Variants in LSAMP observed in about 807,000 individuals in gnomAD.
LSAMP encodes limbic system associated membrane protein.
A neutral mutation model predicts 38.6 loss-of-function variants in LSAMP; 7 were observed. The ratio of observed to expected loss-of-function variants is 0.18; its 90% CI spans 0.10 to 0.34. The LOEUF (loss-of-function observed/expected upper bound fraction) is 0.34, where lower values mean the gene tolerates loss of function less well. Ranked by LOEUF, LSAMP falls within the 10% of genes least tolerant of loss-of-function variation. LSAMP has a pLI of 1.00. For synonymous variants in LSAMP, 154 were observed against 166.8 expected, an observed-to-expected ratio of 0.92 and a Z score of 0.59; for missense variants, 313 against 420.0, an observed-to-expected ratio of 0.75 and a Z score of 2.23.
intron 3 of LSAMP, among the ~76,000 whole-genome samples, chr3:116,002,022 C>A (rs1940010501): frequency 1.3e-5 from 2 of 152,270 alleles, no homozygotes; most frequent in South Asian, 4.1e-4. Context: ...TCTTTCTTTT[C>A]TCTTTGACTT....
At chr3:116,258,921 G>A (rs77220966) in intron 1 of LSAMP, among the ~76,000 whole-genome samples, 1,692 of 152,136 alleles carry the variant, frequency 0.011, 20 homozygotes, top group Non-Finnish European at 0.018. Flanking sequence ...CTATTGGGGA[G>A]ATATTTTTCA....
intron 3 of LSAMP, among the ~76,000 whole-genome samples, chr3:115,861,540 G>T (rs1219902585): frequency 1.4e-4 from 21 of 152,152 alleles, no homozygotes. Flanking sequence ...GAAGGAATGT[G>T]GACCCTGTAC....
intron 1 of LSAMP, among the ~76,000 whole-genome samples, chr3:116,149,725 G>A (rs1028926271): frequency 1.1e-4 from 16 of 151,884 alleles, no homozygotes; most frequent in East Asian, 7.8e-4. Context: ...CTGTTACTCC[G>A]CAAGATCTCA....
intron 3 of LSAMP, among the ~76,000 whole-genome samples, chr3:115,986,662 C>A (rs1939517791): frequency 1.3e-5 from 2 of 151,526 alleles, no homozygotes; most frequent in Non-Finnish European, 2.9e-5. Flanking sequence ...TCATCTCTAC[C>A]CCTAGATGGC....
intron 3 of LSAMP, among the ~76,000 whole-genome samples, chr3:115,885,087 G>A (rs149421864): frequency 2.0e-5 from 3 of 152,048 alleles, no homozygotes; most frequent in Admixed American, 2.0e-4. Flanking sequence ...GAAGTGAAGA[G>A]GAAGGGAAAA....
intron 1 of LSAMP, among the ~76,000 whole-genome samples, chr3:116,374,291 G>A (rs1006388019): frequency 6.6e-6 from 1 of 151,816 alleles, no homozygotes; most frequent in African/African-American, 2.4e-5. Context: ...CAAGAAGAAG[G>A]TGTTCTTATA....
At chr3:115,940,296 A>G (rs947750785) in intron 3 of LSAMP, among the ~76,000 whole-genome samples, 5 of 22,728 alleles carry the variant, frequency 2.2e-4, no homozygotes, top group Non-Finnish European at 6.8e-4. Context: ...TTATTCCCTT[A>G]TTTGGCCCCG....
chr3:115,954,248 A>C (rs1938383737), intron 3 of LSAMP, among the ~76,000 whole-genome samples: 1 of 152,160 alleles, frequency 6.6e-6, no homozygotes, highest in East Asian at 1.9e-4. Flanking sequence ...ACGGACAGCC[A>C]GCCTGGGAGC....
chr3:115,896,296 A>G (rs1936727563), intron 3 of LSAMP, among the ~76,000 whole-genome samples: 1 of 152,124 alleles, frequency 6.6e-6, no homozygotes, highest in African/African-American at 2.4e-5. Flanking sequence ...AAAGTACACT[A>G]GTAGCTAAAA....
intron 2 of LSAMP, among the ~76,000 whole-genome samples, chr3:116,025,236 C>T (rs1174163857): frequency 6.6e-6 from 1 of 152,050 alleles, no homozygotes; most frequent in Non-Finnish European, 1.5e-5. Flanking sequence ...TATATAATGC[C>T]ATGAACCATT....
intron 2 of LSAMP, among the ~76,000 whole-genome samples, chr3:116,066,300 A>G (rs1707427655): frequency 2.0e-5 from 3 of 152,202 alleles, no homozygotes; most frequent in African/African-American, 7.2e-5. Context: ...TCACACTGGG[A>G]TAAAGTTCTA....
intron 3 of LSAMP, among the ~76,000 whole-genome samples, chr3:115,934,523 A>G (rs978545319): frequency 6.6e-6 from 1 of 152,150 alleles, no homozygotes; most frequent in African/African-American, 2.4e-5. Context: ...CTGAAGAAAA[A>G]TCTTATGTAA....
intron 1 of LSAMP, among the ~76,000 whole-genome samples, chr3:116,391,028 T>A (rs1445353457): frequency 6.6e-6 from 1 of 152,190 alleles, no homozygotes; most frequent in Non-Finnish European, 1.5e-5. Context: ...GATTTAAATT[T>A]CCCTTAGAAC....
chr3:116,316,962 C>T (rs1227383523), intron 1 of LSAMP, among the ~76,000 whole-genome samples: 3 of 152,068 alleles, frequency 2.0e-5, no homozygotes, highest in African/African-American at 7.2e-5. Flanking sequence ...TCCAGTGATA[C>T]TGAGAGGTGA....
chr3:116,392,744 C>T (rs546873964), intron 1 of LSAMP, among the ~76,000 whole-genome samples: 10 of 152,304 alleles, frequency 6.6e-5, no homozygotes, highest in African/African-American at 2.4e-4. Context: ...CCCATGGTCA[C>T]CCATGGACCA....
intron 1 of LSAMP, among the ~76,000 whole-genome samples, chr3:116,252,285 C>T (rs965670874): frequency 3.3e-5 from 5 of 152,144 alleles, no homozygotes; most frequent in Non-Finnish European, 7.4e-5. Context: ...GTACTGTCAC[C>T]ACGAGGGGCA....
intron 1 of LSAMP, among the ~76,000 whole-genome samples, chr3:116,325,873 T>C (rs1365396106): frequency 6.6e-6 from 1 of 152,104 alleles, no homozygotes; most frequent in Non-Finnish European, 1.5e-5. Context: ...TTCTCTCCAC[T>C]AGCCAAAGAG....
chr3:115,888,807 A>G (rs929328758), intron 3 of LSAMP, among the ~76,000 whole-genome samples: 3 of 151,974 alleles, frequency 2.0e-5, no homozygotes, highest in Non-Finnish European at 4.4e-5. Flanking sequence ...TAAGTGCAGA[A>G]AAGAGGAAAG....
At chr3:116,092,254 GTTA>G (rs1019188861) in intron 1 of LSAMP, among the ~76,000 whole-genome samples, 15 of 152,186 alleles carry the variant, frequency 9.9e-5, no homozygotes, top group Non-Finnish European at 1.9e-4. Flanking sequence ...AATAATTAAA[GTTA>G]TTAGGTATAA....
Sources: gnomAD v4.1 joint callset for allele counts (sites outside exome capture counted in the v4.1 genomes callset) on GRCh38, gnomAD v4.1.1 for gene constraint, MANE v1.5 for transcripts, NCBI Gene and HGNC (gene_info 2026-07-23, HGNC 2026-07-21) for gene names.